C3orf52: variants seen among roughly 807,000 people sequenced by gnomAD.
The protein encoded by C3orf52 is chromosome 3 open reading frame 52.
C3orf52 carries 22 observed loss-of-function variants against 24.8 expected under a neutral mutation model. The ratio of observed to expected loss-of-function variants is 0.89; its 90% CI spans 0.63 to 1.27. The LOEUF (loss-of-function observed/expected upper bound fraction) is 1.27. Among genes scored for constraint, C3orf52 ranks in the 50% most tolerant of loss-of-function variants. C3orf52 has a pLI of 0.00. For missense variants in C3orf52, 265 were observed against 260.7 expected, an observed-to-expected ratio of 1.02 and a Z score of -0.11; for synonymous variants, 93 against 100.2, an observed-to-expected ratio of 0.93 and a Z score of 0.43.
Position 112,093,427 on chromosome 3 carries a change from T to C in C3orf52, c.206T>C (p.Ile69Thr), listed in dbSNP as rs370095255. The C allele has an allele frequency of 5.6e-6, 9 of 1,613,748 alleles. No individual in the cohort carries two copies. Among genetic ancestry groups the C allele is most frequent in the Non-Finnish European group, 6.8e-6 (8 of 1,179,758 alleles). ...NVVGRCKLWM[I>T]ITSIFLGVIT... ...GTTGGAAGATGCAAACTGTGGATGATCATCACCTCCATTTTCCTAGGTGTC... is the reference window on the plus strand; with the variant it reads ...GTTGGAAGATGCAAACTGTGGATGACCATCACCTCCATTTTCCTAGGTGTC... Residue 69 changes from isoleucine (I) to threonine (T), a missense_variant, in exon 2 of 6, where the codon ATC becomes ACC. Physicochemically the swap from Ile to Thr is moderately conservative, Grantham distance 89. Coordinates refer to ENST00000264848, the MANE Select transcript of C3orf52 (RefSeq NM_024616.3).
At chr3:112,119,251 T>C (rs1463394257), downstream of C3orf52, among the ~76,000 whole-genome samples, 1 of 152,140 alleles carries the variant, frequency 6.6e-6, no homozygotes, top group Non-Finnish European at 1.5e-5. Context: ...GGCAGGCGCC[T>C]GTAATCCCAG....
chr3:112,113,490 A>C (rs1210473079), intron 5 of C3orf52, among the ~76,000 whole-genome samples: 1 of 152,236 alleles, frequency 6.6e-6, no homozygotes, highest in African/African-American at 2.4e-5. Flanking sequence ...AGCAACCTTT[A>C]TGGAGATACT....
At chr3:112,094,862 C>T (rs73856371) in intron 2 of C3orf52, among the ~76,000 whole-genome samples, 26 of 152,274 alleles carry the variant, frequency 1.7e-4, no homozygotes, top group African/African-American at 5.8e-4. Flanking sequence ...ATGATCCAGC[C>T]TTCATGCGGC....
chr3:112,122,158 C>T (rs2074213237), downstream of C3orf52: 1 of 152,220 alleles, frequency 6.6e-6, no homozygotes, highest in African/African-American at 2.4e-5. Flanking sequence ...TCTTATGCAT[C>T]AGTAACCAAA....
downstream of C3orf52, chr3:112,119,599 C>G: frequency 1.4e-6 from 1 of 695,828 alleles, no homozygotes; most frequent in Non-Finnish European, 2.6e-6. Flanking sequence ...CATGTGAATT[C>G]TGGACATGAA....
chr3:112,091,136 G>A (rs945296485), intron 1 of C3orf52, among the ~76,000 whole-genome samples: 2 of 152,174 alleles, frequency 1.3e-5, no homozygotes. Flanking sequence ...AAGTGCACTT[G>A]GGAAATCCAA....
At chr3:112,121,736 C>G (rs2074204431), downstream of C3orf52, 1 of 152,202 alleles carries the variant, frequency 6.6e-6, no homozygotes, top group South Asian at 2.1e-4. Flanking sequence ...GGCTCTTTAG[C>G]TGAAGACCAT....
chr3:112,124,072 C>T lies in C3orf52; in HGVS notation c.*47-4161C>T, dbSNP rs143761597. On this transcript the variant is annotated intron_variant, in intron 4 of 4. Transcript: ENST00000480282. ...GCAAATCTAATGTTGAAATTTTGTT[C>T]CCATTGTTGGAGGTGGTGCCTAGTG... 2.8e-4 allele frequency among the ~76,000 whole-genome samples: 43 copies of T among 152,280 alleles called. No homozygotes were observed. In the East Asian group the frequency reaches 4.2e-3, roughly 15 times the overall value.
intron 2 of C3orf52, among the ~76,000 whole-genome samples, chr3:112,101,524 A>G (rs2073971703): frequency 6.6e-6 from 1 of 152,190 alleles, no homozygotes; most frequent in African/African-American, 2.4e-5. Flanking sequence ...GTTGAGGCAC[A>G]GTGAGCCCCT....
chr3:112,106,274 TC>T (rs1228397778), intron 3 of C3orf52, among the ~76,000 whole-genome samples: 13 of 144,102 alleles, frequency 9.0e-5, no homozygotes, highest in African/African-American at 3.3e-4. Context: ...CTTTTTTTTT[TC>T]TCCAGACAGT....
intron 3 of C3orf52, among the ~76,000 whole-genome samples, chr3:112,108,643 G>A (rs2074049992): frequency 1.3e-5 from 2 of 152,154 alleles, no homozygotes; most frequent in Admixed American, 6.5e-5. Context: ...CAGGAGTTAG[G>A]TGAATGCCTT....
downstream of C3orf52, chr3:112,130,424 T>C (rs2074426021): frequency 6.2e-7 from 1 of 1,607,060 alleles, no homozygotes; most frequent in Admixed American, 1.7e-5. Flanking sequence ...CTGGGGGGTG[T>C]TTGGTTGATT....
At chr3:112,109,384 T>C (rs2074056478) in intron 3 of C3orf52, among the ~76,000 whole-genome samples, 159 bp from the exon 4 acceptor site, 1 of 152,132 alleles carries the variant, frequency 6.6e-6, no homozygotes, top group African/African-American at 2.4e-5. Flanking sequence ...GAGTTTTGAT[T>C]TATGGTGGGC....
Position 112,118,189 on chromosome 3 carries a change from A to G in C3orf52, c.*1543A>G, listed in dbSNP as rs1432637477. ...TGGAGAATGATTTAAAAACATTTAC[A>G]ATACATTATTTTTGCATCTGTGTTG... On this transcript the variant is annotated 3_prime_UTR_variant, in exon 6 of 6. Transcript: ENST00000264848. 1 of 152,264 alleles carries G rather than the reference A, an allele frequency of 6.6e-6. No homozygotes were observed. Among genetic ancestry groups the G allele is most frequent in the Non-Finnish European group, 1.5e-5 (1 of 68,052 alleles). The allele number at this position is 152,264 out of a possible 1,614,324, so 9.4% of individuals were successfully genotyped here.
chr3:112,105,163 A>G (rs2074011696), intron 3 of C3orf52, among the ~76,000 whole-genome samples: 1 of 152,222 alleles, frequency 6.6e-6, no homozygotes, highest in Admixed American at 6.5e-5. Flanking sequence ...TGGTGGGTCC[A>G]CAGATTTCTT....
intron 3 of C3orf52, among the ~76,000 whole-genome samples, chr3:112,106,553 A>C (rs1028939656): frequency 2.0e-5 from 3 of 152,222 alleles, no homozygotes; most frequent in Non-Finnish European, 4.4e-5. Context: ...CAGGAGCTGG[A>C]GTAAAGACCA....
chr3:112,130,816 G>A (rs1046884117), downstream of C3orf52: 9 of 398,638 alleles, frequency 2.3e-5, no homozygotes, highest in East Asian at 1.1e-4. Flanking sequence ...GAGAGTATCC[G>A]TGTCCAGAGA....
chr3:112,119,660 T>G (rs1206275075), downstream of C3orf52: 7 of 604,380 alleles, frequency 1.2e-5, no homozygotes, highest in Middle Eastern at 2.6e-4. Flanking sequence ...GGGAGAAATC[T>G]CTCAATGTCC....
chr3:112,086,533 C>T lies in C3orf52; in HGVS notation c.126C>T (p.Val42=), dbSNP rs756105032. 8 of 1,549,588 alleles carry T rather than the reference C, an allele frequency of 5.2e-6. No homozygotes were observed. The highest frequency in any genetic ancestry group is 2.5e-5 in the East Asian group (1 of 40,784). The change falls in exon 1 of 6, where the codon GTC becomes GTT. Residue 42 remains valine, a synonymous_variant. Transcript: ENST00000264848. ...TCTTCCCTTCTTTGGACGAGGAGGT[C>T]CCCCCGGCCGAGGTAAGGTCCCCTT... is the stretch of plus-strand genomic sequence containing the variant. The part of the protein sequence containing the change: ...DKVFPSLDEE[V]PPAEANKESP...
Sources: gnomAD v4.1 joint callset for allele counts (sites outside exome capture counted in the v4.1 genomes callset) on GRCh38, gnomAD v4.1.1 for gene constraint, MANE v1.5 for transcripts, NCBI Gene and HGNC (gene_info 2026-07-23, HGNC 2026-07-21) for gene names.